ARAP3: variants seen among roughly 807,000 people sequenced by gnomAD.
ARAP3 encodes the protein arf-GAP with Rho-GAP domain, ANK repeat and PH domain-containing protein 3.
In ARAP3, 82 loss-of-function variants were observed where a neutral mutation model predicts 169.2. That is an observed-to-expected ratio of 0.48 (90% CI 0.41 to 0.58). The LOEUF (loss-of-function observed/expected upper bound fraction) is 0.58, where lower values mean the gene tolerates loss of function less well. Among genes scored for constraint, ARAP3 ranks in the 20% least tolerant of loss-of-function variants. The pLI is 0.00. For missense variants in ARAP3, 1,764 were observed against 2,018.0 expected (o/e 0.87, Z 2.41); for synonymous variants, 791 against 800.3 (o/e 0.99, Z 0.20).
intron 25 of ARAP3, among the ~76,000 whole-genome samples, chr5:141,657,153 AAGAC>A (rs1267509245): frequency 7.2e-5 from 11 of 152,244 alleles, no homozygotes; most frequent in Non-Finnish European, 1.3e-4. Flanking sequence ...GTAGTCAGGC[AAGAC>A]CTTTCAAAAG....
At chr5:141,679,887 TC>T in intron 2 of ARAP3, 65 bp from the exon 3 acceptor site, 1 of 1,610,612 alleles carries the variant, frequency 6.2e-7, no homozygotes, top group Admixed American at 1.7e-5. Flanking sequence ...CATGCCCTGC[TC>T]CCCGCCTCCG....
Position 141,654,256 on chromosome 5 carries a change from C to A in ARAP3, c.4329G>T (p.Lys1443Asn), listed in dbSNP as rs61746868. The A allele has an allele frequency of 2.9e-3, 4,601 of 1,614,116 alleles. 99 individuals carry two copies. The African/African-American group carries it at 0.054, about 19-fold the overall frequency. ...VKPENPLTSQ[K>N]SLDQPFLSKS... The stretch of plus-strand genomic sequence containing the variant: ...TGGAGAGAAAGGGTTGATCCAATGA[C>A]TTCTGGCTGGTGAGGGGGTTCTCTG... Residue 1443 changes from lysine (K) to asparagine (N), a missense_variant, in exon 33 of 33, where the codon AAG becomes AAT. Physicochemically the swap from Lys to Asn is moderately conservative, Grantham distance 94. This residue lies in a region of ARAP3 where 1,112 missense variants were observed against 1,285.7 expected (regional missense o/e 0.86). Coordinates refer to ENST00000239440, the MANE Select transcript of ARAP3 (RefSeq NM_022481.6).
intron 27 of ARAP3, 108 bp from the exon 28 acceptor site, chr5:141,656,384 C>T (rs533661072): frequency 1.8e-5 from 29 of 1,595,514 alleles, no homozygotes; most frequent in South Asian, 8.9e-5. Context: ...TCACAGAAGT[C>T]GGGGGCAGGG....
In ARAP3 at chr5:141,659,814, G is replaced by T. The variant is rs2099909706; in HGVS notation, c.3232C>A (p.Gln1078Lys). Residue 1078 changes from glutamine to lysine, a missense_variant, in exon 22 of 33, where the codon CAA becomes AAA. Around this residue, in one of 3 missense-constraint regions of ARAP3, gnomAD observed 1,112 missense variants for 1,285.7 expected, o/e 0.86. Coordinates refer to ENST00000239440, the MANE Select transcript of ARAP3 (RefSeq NM_022481.6). ...GRGEHEVRVL[Q>K]ELIDGYISVF... ...GAGATGTAGCCATCAATGAGCTCTTGCAGCACTCGCACCTCGTGCTCCCCT... is the reference window on the plus strand; with the variant it reads ...GAGATGTAGCCATCAATGAGCTCTTTCAGCACTCGCACCTCGTGCTCCCCT... 6.2e-7 allele frequency: 1 copy of T among 1,612,682 alleles called. No homozygotes were observed. Among genetic ancestry groups the T allele is most frequent in the African/African-American group, 1.3e-5 (1 of 75,042 alleles).
chr5:141,662,313 C>CAGATGGGCCGTGGT, intron 19 of ARAP3, 58 bp from the exon 20 acceptor site: 1 of 1,571,108 alleles, frequency 6.4e-7, no homozygotes, highest in Non-Finnish European at 8.7e-7. Flanking sequence ...CCACCCACCA[C>CAGATGGGCCGTGGT]GGCCCATCTG....
Position 141,671,715 on chromosome 5 carries a change from A to G in ARAP3, c.1709T>C (p.Phe570Ser). The G allele has an allele frequency of 6.2e-7, 1 of 1,608,648 alleles. No individual in the cohort carries two copies. The highest frequency in any genetic ancestry group is 8.5e-7 in the Non-Finnish European group (1 of 1,177,192). ...IVLGNDRANRFWAGTLPPGEG... is the reference protein window; with the variant it reads ...IVLGNDRANRSWAGTLPPGEG... ...ACCTGGGGGTAGGGTCCCTGCCCAG[A>G]AGCGGTTGGCACGATCATTTCCCAG... The change falls in exon 12 of 33, where the codon TTC becomes TCC. Residue 570 changes from phenylalanine to serine, a missense_variant. By Grantham distance (155) the Phe-to-Ser change is radical. Coordinates refer to ENST00000239440, the MANE Select transcript of ARAP3 (RefSeq NM_022481.6). This position sits in a 1 kb window ranked among gnomAD's most constrained non-coding sequence, Gnocchi z 4.9.
chr5:141,670,416 T>A, intron 14 of ARAP3, 96 bp downstream of exon 14: 1 of 1,326,228 alleles, frequency 7.5e-7, no homozygotes, highest in Non-Finnish European at 1.1e-6. Flanking sequence ...GGCCCCACTT[T>A]CCCATCCCAG....
intron 16 of ARAP3, 167 bp from the exon 17 acceptor site, chr5:141,666,810 AAGG>A (rs2099910713): frequency 1.4e-5 from 6 of 418,912 alleles, no homozygotes; most frequent in Non-Finnish European, 2.5e-5. Flanking sequence ...GGAGACAGCC[AAGG>A]AGGAGACATG....
At chr5:141,668,477 G>A (rs1044944991) in intron 16 of ARAP3, among the ~76,000 whole-genome samples, 3 of 152,188 alleles carry the variant, frequency 2.0e-5, no homozygotes, top group African/African-American at 7.2e-5. Context: ...TTACTCTCAA[G>A]TTCTGTGCTT....
intron 27 of ARAP3, 41 bp from the exon 28 acceptor site, chr5:141,656,317 G>A: frequency 6.2e-7 from 1 of 1,611,544 alleles, no homozygotes; most frequent in Non-Finnish European, 8.5e-7. Flanking sequence ...AGAGATGAGA[G>A]ATCATGGTTA....
chr5:141,654,074 C>A lies in ARAP3; in HGVS notation c.4511G>T (p.Gly1504Val). The A allele has an allele frequency of 6.2e-7, 1 of 1,608,142 alleles. No homozygotes were observed. ...GGGGCTGGATGGCTGGGAAGGACTT[C>A]CCAGGCCTGCAGTGGTCTCTCCTTT... ...LRKGETTAGL[G>V]SPSQPSSPQS... The change falls in exon 33 of 33, where the codon GGA becomes GTA. Residue 1504 changes from glycine (G) to valine (V), a missense_variant. Coordinates refer to ENST00000239440, the MANE Select transcript of ARAP3 (RefSeq NM_022481.6).
chr5:141,655,583 C>A, intron 31 of ARAP3, 38 bp downstream of exon 31: 2 of 1,613,402 alleles, frequency 1.2e-6, no homozygotes, highest in Non-Finnish European at 1.7e-6. Flanking sequence ...AAGGGCTACA[C>A]GACAGGAATC....
rs762518599 is a variant in ARAP3, at chr5:141,680,458, G to T, written c.29C>A (p.Ala10Asp). ...CAGGTGCACCGTGGCCAGCCACACA[G>T]CGATGTCCAGGTCCTGAGGGGCAGC... MAAPQDLDI[A>D]VWLATVHLEQ... Residue 10 changes from alanine to aspartate, a missense_variant, in exon 2 of 33, where the codon GCT (alanine) becomes GAT (aspartate). By Grantham distance (126) the Ala-to-Asp change is moderately radical. Transcript: ENST00000239440. 1 of 1,605,880 alleles carries T rather than the reference G, an allele frequency of 6.2e-7. No homozygotes were observed. Among genetic ancestry groups the T allele is most frequent in the South Asian group, 1.1e-5 (1 of 90,944 alleles).
In ARAP3 at chr5:141,672,959, T is replaced by G; in HGVS notation, c.1094-34A>C. ...GATGGAGAAGCAGGTCAGTGGCTGT[T>G]GCTCACACAGCCTCCCTCCCTCCTG... On this transcript the variant is annotated intron_variant, in intron 7 of 32. Coordinates refer to ENST00000239440, the MANE Select transcript of ARAP3 (RefSeq NM_022481.6). The surrounding 1 kb of genome is among the most constrained non-coding windows in gnomAD (Gnocchi z 4.9). 1 of 1,612,536 alleles carries G rather than the reference T, an allele frequency of 6.2e-7. No homozygotes were observed. The highest frequency in any genetic ancestry group is 8.5e-7 in the Non-Finnish European group (1 of 1,179,152).
At chr5:141,656,912 C>T in intron 25 of ARAP3, 66 bp from the exon 26 acceptor site, 1 of 1,536,936 alleles carries the variant, frequency 6.5e-7, no homozygotes, top group Admixed American at 2.0e-5. Context: ...CAGCTCTCAC[C>T]AGTCATTCAT....
chr5:141,655,742 G>C lies in ARAP3; in HGVS notation c.3989C>G (p.Pro1330Arg). Residue 1330 changes from proline to arginine, a missense_variant, in exon 31 of 33, where the codon CCA becomes CGA. Physicochemically the swap from Pro to Arg is moderately radical, Grantham distance 103. This residue lies in a region of ARAP3 where 1,112 missense variants were observed against 1,285.7 expected (regional missense o/e 0.86). Coordinates refer to ENST00000239440, the MANE Select transcript of ARAP3 (RefSeq NM_022481.6). Reference protein sequence around the residue: ...ILKAQHDDQQPVVLRRHSSSD... With the variant: ...ILKAQHDDQQRVVLRRHSSSD... ...GGAGGAATGGCGTCGTAAGACCACTGGCTGCTGGTCATCGTGCTGGTGGGA... is the reference window on the plus strand; with the variant it reads ...GGAGGAATGGCGTCGTAAGACCACTCGCTGCTGGTCATCGTGCTGGTGGGA... 1 of 1,614,188 alleles carries C rather than the reference G, an allele frequency of 6.2e-7. No individual in the cohort carries two copies. The highest frequency in any genetic ancestry group is 8.5e-7 in the Non-Finnish European group (1 of 1,180,034).
intron 27 of ARAP3, 43 bp downstream of exon 27, chr5:141,656,461 C>T: frequency 6.3e-7 from 1 of 1,598,704 alleles, no homozygotes; most frequent in African/African-American, 1.3e-5. Context: ...GGCTCCTCTC[C>T]ATGGCCACCC....
At chr5:141,657,249 G>A (rs532729924) in intron 25 of ARAP3, among the ~76,000 whole-genome samples, 5 of 152,218 alleles carry the variant, frequency 3.3e-5, no homozygotes, top group African/African-American at 9.7e-5. Context: ...AAGATTTCAA[G>A]CATGACAAAA....
chr5:141,659,962 C>T (rs779675808), intron 21 of ARAP3, 36 bp from the exon 22 acceptor site: 4 of 1,528,268 alleles, frequency 2.6e-6, no homozygotes, highest in Non-Finnish European at 1.8e-6. Flanking sequence ...TCAGTGTAGC[C>T]ACTCATTCAG....
Sources: gnomAD v4.1 joint callset for allele counts (sites outside exome capture counted in the v4.1 genomes callset) on GRCh38, gnomAD v4.1.1 for gene constraint, gnomAD v4.1.1 regional missense constraint, Gnocchi (gnomAD v3.1) non-coding constraint, MANE v1.5 for transcripts, NCBI Gene and HGNC (gene_info 2026-07-23, HGNC 2026-07-21) for gene names.